Variants in RAB3B observed in about 807,000 individuals in gnomAD.
RAB3B encodes the protein RAB3B, member RAS oncogene family.
In RAB3B, 11 loss-of-function variants were observed where a neutral mutation model predicts 20.5. The observed-to-expected ratio is 0.54, with a 90% CI of 0.34 to 0.89. RAB3B has a LOEUF of 0.89. Ranked by LOEUF, RAB3B falls within the 40% of genes least tolerant of loss-of-function variation. The pLI is 0.02. For synonymous variants in RAB3B, 99 were observed against 106.3 expected, an observed-to-expected ratio of 0.93 and a Z score of 0.42; for missense variants, 225 against 280.9, an observed-to-expected ratio of 0.80 and a Z score of 1.42.
intron 2 of RAB3B, among the ~76,000 whole-genome samples, chr1:51,944,776 G>C (rs1557968311): frequency 6.6e-6 from 1 of 152,142 alleles, no homozygotes; most frequent in Non-Finnish European, 1.5e-5. Flanking sequence ...CGAAGAAAAT[G>C]GTTTCTTGAG....
intron 2 of RAB3B, among the ~76,000 whole-genome samples, chr1:51,940,841 T>C (rs775750373): frequency 1.3e-4 from 20 of 152,236 alleles, no homozygotes; most frequent in Admixed American, 3.9e-4. Context: ...CTGCTTTTTG[T>C]CATCTTTATT....
At chr1:51,971,930 C>T (rs1461503180) in intron 2 of RAB3B, among the ~76,000 whole-genome samples, 1 of 152,116 alleles carries the variant, frequency 6.6e-6, no homozygotes, top group Non-Finnish European at 1.5e-5. Context: ...CCTGTAATCC[C>T]AGAGCTTCGG....
Position 51,909,623 on chromosome 1 carries a change from A to G in RAB3B, c.*10304T>C, listed in dbSNP as rs962245998. On this transcript the variant is annotated 3_prime_UTR_variant, in exon 5 of 5. Transcript: ENST00000371655. Reference sequence around the variant, plus strand: ...AGTGCATGAGGTACCTTTCTGTCACATGACTGGTGGCAGACCCTACTTTAA... The same window carrying G: ...AGTGCATGAGGTACCTTTCTGTCACGTGACTGGTGGCAGACCCTACTTTAA... The G allele has an allele frequency of 4.6e-5, 7 of 152,222 alleles. No homozygotes were observed. The highest frequency in any genetic ancestry group is 1.7e-4 in the African/African-American group (7 of 41,424). The allele number at this position is 152,222 out of a possible 1,614,324, so 9.4% of individuals were successfully genotyped here.
chr1:51,970,314 G>T (rs1684911260), intron 2 of RAB3B, among the ~76,000 whole-genome samples: 1 of 152,050 alleles, frequency 6.6e-6, no homozygotes, highest in Non-Finnish European at 1.5e-5. Context: ...CCTCTAGTTG[G>T]ATCCGTTGCT....
At chr1:51,955,914 T>G (rs1198884737) in intron 2 of RAB3B, among the ~76,000 whole-genome samples, 1 of 152,154 alleles carries the variant, frequency 6.6e-6, no homozygotes, top group Non-Finnish European at 1.5e-5. Context: ...TGAGGATCAT[T>G]TGCATACAGG....
At position 51,919,763 on chromosome 1, in the gene RAB3B, G is replaced by T. The variant is rs1444984781; in HGVS notation, c.*164C>A. ...TGAGTATCTATTACTGGGACCATCT[G>T]CAGAGAACCCCAGGGGCAGGCAAAG... On this transcript the variant is annotated 3_prime_UTR_variant, in exon 5 of 5. Coordinates refer to ENST00000371655, the MANE Select transcript of RAB3B (RefSeq NM_002867.4). 1.6e-5 allele frequency: 10 copies of T among 640,832 alleles called. No homozygotes were observed. Among genetic ancestry groups the T allele is most frequent in the Non-Finnish European group, 2.4e-5 (9 of 380,754 alleles). The allele number at this position is 640,832 out of a possible 1,614,324, so 39.7% of individuals were successfully genotyped here.
intron 4 of RAB3B, 100 bp from the exon 5 acceptor site, chr1:51,920,214 C>CCTG: frequency 1.9e-6 from 2 of 1,070,468 alleles, no homozygotes; most frequent in South Asian, 1.8e-5. Context: ...ATGTCCAGTG[C>CCTG]TCAGCAGTGA....
chr1:51,926,139 A>G (rs1280744133), intron 4 of RAB3B, among the ~76,000 whole-genome samples: 1 of 152,232 alleles, frequency 6.6e-6, no homozygotes, highest in Non-Finnish European at 1.5e-5. Flanking sequence ...AGGAAAAACA[A>G]CAGGAGAGGG....
chr1:51,967,521 CTTTTT>C (rs71041868), intron 2 of RAB3B, among the ~76,000 whole-genome samples: 1 of 36,496 alleles, frequency 2.7e-5, no homozygotes, highest in Non-Finnish European at 5.7e-5. Context: ...TTTTCTTTTT[CTTTTT>C]TTTTTTTTTT....
At chr1:51,932,797 G>A (rs1451020219) in intron 4 of RAB3B, among the ~76,000 whole-genome samples, 1 of 152,094 alleles carries the variant, frequency 6.6e-6, no homozygotes, top group African/African-American at 2.4e-5. Context: ...TTTTATACTA[G>A]GACACTCTAA....
chr1:51,928,226 C>T (rs1179665282), intron 4 of RAB3B, among the ~76,000 whole-genome samples: 3 of 152,158 alleles, frequency 2.0e-5, no homozygotes, highest in East Asian at 1.9e-4. Context: ...CCTGCCTCAG[C>T]CTCTCGAGTA....
In RAB3B at chr1:51,989,208, T is replaced by TTGTGTGTGTGTGTG. The variant is rs60661761; in HGVS notation, c.-1+1330_-1+1343dup. ...CCGGGGGAAGAGGGCCCATCTTGTT[T>TTGTGTGTGTGTGTG]TGTGTGTGTGTGTGTGTGTGTGTGT... On this transcript the variant is annotated intron_variant, in intron 1 of 4. Coordinates refer to ENST00000371655, the MANE Select transcript of RAB3B (RefSeq NM_002867.4). Among the ~76,000 whole-genome samples, 330 of 99,852 alleles carry TTGTGTGTGTGTGTG rather than the reference T, an allele frequency of 3.3e-3. 2 individuals carry two copies. Among genetic ancestry groups the TTGTGTGTGTGTGTG allele is most frequent in the African/African-American group, 0.013 (296 of 23,152 alleles). The allele number at this position is 99,852 out of a possible 152,430, so 65.5% of individuals were successfully genotyped here.
intron 4 of RAB3B, among the ~76,000 whole-genome samples, chr1:51,922,384 G>T (rs1016339816): frequency 6.6e-6 from 1 of 152,176 alleles, no homozygotes; most frequent in Admixed American, 6.5e-5. Context: ...ATGCCACATT[G>T]TACAGAGGGC....
At chr1:51,937,449 G>A in intron 2 of RAB3B, 37 bp from the exon 3 acceptor site, 6 of 1,431,750 alleles carry the variant, frequency 4.2e-6, no homozygotes, top group Non-Finnish European at 5.7e-6. Context: ...CTCTTAGAAA[G>A]TCTGCTTTGG....
intron 4 of RAB3B, among the ~76,000 whole-genome samples, chr1:51,920,474 T>C (rs1684157398): frequency 6.6e-6 from 1 of 151,128 alleles, no homozygotes; most frequent in African/African-American, 2.5e-5. Flanking sequence ...TATATAACCC[T>C]GTGCCTGACA....
At position 51,966,763 on chromosome 1, in the gene RAB3B, A is replaced by G. The variant is rs145110574; in HGVS notation, c.228+10127T>C. Reference sequence around the variant, plus strand: ...TCTGATTATCATAAGAGCTGAGCACAGGATGGTGTACTCAGGAACTGTCTT... The same window carrying G: ...TCTGATTATCATAAGAGCTGAGCACGGGATGGTGTACTCAGGAACTGTCTT... On this transcript the variant is annotated intron_variant, in intron 2 of 4. Transcript: ENST00000371655. Among the ~76,000 whole-genome samples, 288 of 152,328 alleles carry G rather than the reference A, an allele frequency of 1.9e-3. 2 individuals are homozygous for G. Among genetic ancestry groups the G allele is most frequent in the African/African-American group, 6.5e-3 (272 of 41,578 alleles).
chr1:51,958,778 A>G (rs1684746393), intron 2 of RAB3B, among the ~76,000 whole-genome samples: 1 of 151,884 alleles, frequency 6.6e-6, no homozygotes, highest in Non-Finnish European at 1.5e-5. Context: ...AGGCTAACCC[A>G]AGAGGAGCCT....
intron 2 of RAB3B, among the ~76,000 whole-genome samples, chr1:51,967,771 C>A (rs1684877515): frequency 6.6e-6 from 1 of 151,774 alleles, no homozygotes. Flanking sequence ...CTGCCTTGGC[C>A]TCCCAAAGTG....
chr1:51,967,521 C>CTTTTTCTTTTTT, intron 2 of RAB3B, among the ~76,000 whole-genome samples: 1 of 36,514 alleles, frequency 2.7e-5, no homozygotes, highest in African/African-American at 6.8e-5. Context: ...TTTTCTTTTT[C>CTTTTTCTTTTTT]TTTTTTTTTT....
Sources: allele counts gnomAD v4.1 joint callset (sites outside exome capture counted in the v4.1 genomes callset), GRCh38; gene constraint gnomAD v4.1.1; transcripts MANE v1.5; gene names NCBI Gene and HGNC (gene_info 2026-07-23, HGNC 2026-07-21).